Variants in TSPAN18 observed in about 807,000 individuals in gnomAD.
The protein encoded by TSPAN18 is tetraspanin-18.
TSPAN18 carries 14 observed loss-of-function variants against 27.3 expected under a neutral mutation model. The observed-to-expected ratio is 0.51, with a 90% confidence interval of 0.34 to 0.80. The LOEUF (loss-of-function observed/expected upper bound fraction) is 0.80, where lower values mean the gene tolerates loss of function less well. Ranked by LOEUF, TSPAN18 falls within the 30% of genes least tolerant of loss-of-function variation. The pLI is 0.01. For missense variants in TSPAN18, 268 were observed against 323.9 expected (o/e 0.83, Z 1.32); for synonymous variants, 143 against 136.5 (o/e 1.05, Z -0.33).
intron 9 of TSPAN18, among the ~76,000 whole-genome samples, chr11:44,927,777 G>A (rs532240386): frequency 6.9e-4 from 105 of 152,244 alleles, no homozygotes; most frequent in Non-Finnish European, 1.4e-3. Context: ...CCTAGAGTCC[G>A]GCTCCCAGCT....
chr11:44,908,800 A>G (rs1400324517), intron 4 of TSPAN18, among the ~76,000 whole-genome samples: 3 of 140,598 alleles, frequency 2.1e-5, no homozygotes, highest in African/African-American at 8.5e-5. Flanking sequence ...AGAAAGAAAG[A>G]AAGAAAGAAA....
Position 44,859,026 on chromosome 11 carries a change from A to G in TSPAN18, c.-152-1302A>G, listed in dbSNP as rs562273942. 7.2e-5 allele frequency among the ~76,000 whole-genome samples: 11 copies of G among 152,206 alleles called. No individual in the cohort carries two copies. In the South Asian group the frequency reaches 2.3e-3, roughly 32 times the overall value. ...GACATTCGTGCTCACCAGCTTGCAG[A>G]GCGCTAATGACATTTGCATTTTGCT... On this transcript the variant is annotated intron_variant, in intron 2 of 9. Coordinates refer to ENST00000520358, the MANE Select transcript of TSPAN18 (RefSeq NM_130783.5).
chr11:44,859,566 C>G lies in TSPAN18; in HGVS notation c.-152-762C>G, dbSNP rs932936305. 2.0e-5 allele frequency: 3 copies of G among 152,260 alleles called. No homozygotes were observed. In the South Asian group the frequency reaches 6.2e-4, roughly 31 times the overall value. The allele number at this position is 152,260 out of a possible 1,614,324, so 9.4% of individuals were successfully genotyped here. A position where few individuals can be genotyped will look rare whatever the true frequency, so the allele number is the denominator to read the frequency against. ...CCTCCAAAGCCCGTGCTCTTGGCTACTGTGGGCAACCTCCTGTTCTTTGTC... is the reference window on the plus strand; with the variant it reads ...CCTCCAAAGCCCGTGCTCTTGGCTAGTGTGGGCAACCTCCTGTTCTTTGTC... On this transcript the variant is annotated intron_variant, in intron 2 of 9. Coordinates refer to ENST00000520358, the MANE Select transcript of TSPAN18 (RefSeq NM_130783.5).
chr11:44,811,153 CA>C (rs1856705630), intron 2 of TSPAN18, among the ~76,000 whole-genome samples: 2 of 151,598 alleles, frequency 1.3e-5, no homozygotes, highest in Non-Finnish European at 2.9e-5. Flanking sequence ...CACACACACA[CA>C]CACACACACA....
At chr11:44,844,398 G>A (rs1228311440) in intron 2 of TSPAN18, among the ~76,000 whole-genome samples, 1 of 152,142 alleles carries the variant, frequency 6.6e-6, no homozygotes, top group African/African-American at 2.4e-5. Flanking sequence ...TGTGTCTTGT[G>A]TTTAGCTTTA....
chr11:44,788,066 G>C (rs1318831320), intron 2 of TSPAN18, among the ~76,000 whole-genome samples: 1 of 152,222 alleles, frequency 6.6e-6, no homozygotes, highest in Non-Finnish European at 1.5e-5. Context: ...AATGGGAGCT[G>C]GCTGGCAAAC....
At chr11:44,894,623 C>T (rs1313684589) in intron 3 of TSPAN18, among the ~76,000 whole-genome samples, 1 of 152,240 alleles carries the variant, frequency 6.6e-6, no homozygotes, top group East Asian at 1.9e-4. Flanking sequence ...CTGGCCCGGG[C>T]AGGGGTCCGC....
chr11:44,773,010 T>C (rs961860936), intron 2 of TSPAN18, among the ~76,000 whole-genome samples: 10 of 152,348 alleles, frequency 6.6e-5, no homozygotes, highest in African/African-American at 2.4e-4. Flanking sequence ...TCCACACATG[T>C]TGGCTTCTGA....
chr11:44,814,596 TG>T (rs1856782931), intron 2 of TSPAN18, among the ~76,000 whole-genome samples: 1 of 152,162 alleles, frequency 6.6e-6, no homozygotes, highest in African/African-American at 2.4e-5. Context: ...GAGTTAATAC[TG>T]GGGCTTCAGA....
intron 2 of TSPAN18, among the ~76,000 whole-genome samples, chr11:44,786,054 G>A (rs999021310): frequency 6.6e-6 from 1 of 152,234 alleles, no homozygotes; most frequent in Non-Finnish European, 1.5e-5. Context: ...CATGCACAGC[G>A]AGGGCCCCAC....
intron 2 of TSPAN18, among the ~76,000 whole-genome samples, chr11:44,849,637 T>C (rs921199706): frequency 6.6e-6 from 1 of 152,142 alleles, no homozygotes; most frequent in African/African-American, 2.4e-5. Context: ...CCCGTGGCAC[T>C]GCTGCAGTTG....
intron 2 of TSPAN18, among the ~76,000 whole-genome samples, chr11:44,834,837 T>C (rs1166998958): frequency 6.6e-6 from 1 of 152,012 alleles, no homozygotes; most frequent in Non-Finnish European, 1.5e-5. Flanking sequence ...GAACAGAAGA[T>C]ATATTAAGGA....
At chr11:44,896,104 A>G (rs961192977) in intron 3 of TSPAN18, among the ~76,000 whole-genome samples, 1 of 152,164 alleles carries the variant, frequency 6.6e-6, no homozygotes, top group East Asian at 1.9e-4. Flanking sequence ...AGTGGATGGT[A>G]GATGGCTGAC....
chr11:44,924,578 C>T (rs1235926731), intron 8 of TSPAN18, among the ~76,000 whole-genome samples: 2 of 152,148 alleles, frequency 1.3e-5, no homozygotes, highest in African/African-American at 4.8e-5. Flanking sequence ...GTCCCTGTGG[C>T]TGGCAGGCAC....
At chr11:44,793,402 G>C (rs570560933) in intron 2 of TSPAN18, among the ~76,000 whole-genome samples, 1 of 152,156 alleles carries the variant, frequency 6.6e-6, no homozygotes, top group Admixed American at 6.5e-5. Flanking sequence ...AACGCACCAG[G>C]CATCAGAACG....
At chr11:44,756,480 G>A (rs924158058) in intron 1 of TSPAN18, among the ~76,000 whole-genome samples, 1 of 151,864 alleles carries the variant, frequency 6.6e-6, no homozygotes, top group Admixed American at 6.6e-5. Context: ...CATTCATAAT[G>A]TTGTGCAACC....
At chr11:44,767,752 T>A (rs755919992) in intron 2 of TSPAN18, among the ~76,000 whole-genome samples, 19 of 152,256 alleles carry the variant, frequency 1.2e-4, no homozygotes, top group Non-Finnish European at 2.4e-4. Context: ...ATTTAGGTCA[T>A]AGATTCTTTT....
At chr11:44,889,326 C>T (rs1034697851) in intron 3 of TSPAN18, among the ~76,000 whole-genome samples, 1 of 151,964 alleles carries the variant, frequency 6.6e-6, no homozygotes, top group Non-Finnish European at 1.5e-5. Context: ...ATCTCAGAGT[C>T]CCTGACACAC....
intron 1 of TSPAN18, chr11:44,736,689 A>T (rs1219052714): frequency 6.6e-6 from 1 of 152,240 alleles, no homozygotes; most frequent in Non-Finnish European, 1.5e-5. Context: ...ATGCAGCCTC[A>T]TCTGGGTGCA....
Sources: gnomAD v4.1 joint callset for allele counts (sites outside exome capture counted in the v4.1 genomes callset) on GRCh38, gnomAD v4.1.1 for gene constraint, MANE v1.5 for transcripts, NCBI Gene and HGNC (gene_info 2026-07-23, HGNC 2026-07-21) for gene names.